FAM135B: variants seen among roughly 807,000 people sequenced by gnomAD.
FAM135B encodes the protein protein FAM135B.
In FAM135B, 43 loss-of-function variants were observed where a neutral mutation model predicts 127.7. The ratio of observed to expected loss-of-function variants is 0.34; its 90% CI spans 0.26 to 0.43. The LOEUF (loss-of-function observed/expected upper bound fraction) is 0.43, where lower values mean the gene tolerates loss of function less well. Among genes scored for constraint, FAM135B ranks in the 20% least tolerant of loss-of-function variants. FAM135B has a pLI of 1.00. For missense variants in FAM135B, 1,558 were observed against 1,725.6 expected (o/e 0.90, Z 1.72); for synonymous variants, 670 against 665.1 (o/e 1.01, Z -0.11).
At chr8:138,399,130 A>C (rs898329182) in intron 1 of FAM135B, among the ~76,000 whole-genome samples, 5 of 152,164 alleles carry the variant, frequency 3.3e-5, no homozygotes, top group African/African-American at 1.2e-4. Flanking sequence ...TAATTAATCC[A>C]TATGCCTTTT....
In FAM135B at chr8:138,267,455, T is replaced by C. The variant is rs185515296; in HGVS notation, c.158-1613A>G. Among the ~76,000 whole-genome samples the C allele has an allele frequency of 4.8e-4, 72 of 149,470 alleles. No individual in the cohort carries two copies. In the East Asian group the frequency reaches 0.014, roughly 29 times the overall value. ...TTCATCCTCACATCTACCTCTTTAG[T>C]AAGAGAGAAAATGAAGTCTCCAGTG... On this transcript the variant is annotated intron_variant, in intron 3 of 19. Coordinates refer to ENST00000395297, the MANE Select transcript of FAM135B (RefSeq NM_015912.4).
rs10604150 is a variant in FAM135B, at chr8:138,237,150, A to AT, written c.669+5791dup. On this transcript the variant is annotated intron_variant, in intron 7 of 19. Transcript: ENST00000395297. ...CTCACTCTGAGTAACTGGATCCTTG[A>AT]TTTTTTTTTTTTTTTTTTTTTTTTG... Among the ~76,000 whole-genome samples, 879 of 101,302 alleles carry AT rather than the reference A, an allele frequency of 8.7e-3. 8 individuals carry two copies. Among genetic ancestry groups the AT allele is most frequent in the African/African-American group, 0.022 (527 of 24,254 alleles). The allele number at this position is 101,302 out of a possible 152,430, so 66.5% of individuals were successfully genotyped here. A position where few individuals can be genotyped will look rare whatever the true frequency, so the allele number is the denominator to read the frequency against.
intron 2 of FAM135B, among the ~76,000 whole-genome samples, chr8:138,330,736 A>T (rs1828108115): frequency 6.6e-6 from 1 of 151,150 alleles, no homozygotes; most frequent in Admixed American, 6.6e-5. Context: ...TGCTCTCATT[A>T]CCTCCCCTCT....
intron 3 of FAM135B, among the ~76,000 whole-genome samples, chr8:138,308,451 T>C (rs1406241415): frequency 6.6e-6 from 1 of 152,102 alleles, no homozygotes; most frequent in African/African-American, 2.4e-5. Context: ...ATTGGAAAAT[T>C]CACCTTGAAG....
chr8:138,474,703 C>A (rs1277038297), intron 1 of FAM135B, among the ~76,000 whole-genome samples: 1 of 152,172 alleles, frequency 6.6e-6, no homozygotes, highest in Non-Finnish European at 1.5e-5. Flanking sequence ...CTCCTCTTCC[C>A]TTTTTGTACT....
At chr8:138,257,002 C>G (rs912053580) in intron 4 of FAM135B, among the ~76,000 whole-genome samples, 3 of 151,590 alleles carry the variant, frequency 2.0e-5, no homozygotes, top group Non-Finnish European at 4.4e-5. Context: ...AGTCAGTTTG[C>G]AAAAAAAATG....
chr8:138,477,095 G>A lies in FAM135B; in HGVS notation c.-20+19576C>T, dbSNP rs551122229. 1.1e-3 allele frequency among the ~76,000 whole-genome samples: 162 copies of A among 152,288 alleles called. 9 individuals are homozygous for A. The highest frequency in any genetic ancestry group is 1.4e-3 in the Admixed American group (21 of 15,298). On this transcript the variant is annotated intron_variant, in intron 1 of 19. Coordinates refer to ENST00000395297, the MANE Select transcript of FAM135B (RefSeq NM_015912.4). ...ATACATCGTCCTTCCTTGCATCTGA[G>A]CTATTTGCCATGTAGCTGCTGCAAA...
At chr8:138,383,327 T>C (rs530703133) in intron 1 of FAM135B, among the ~76,000 whole-genome samples, 13 of 152,340 alleles carry the variant, frequency 8.5e-5, no homozygotes, top group Non-Finnish European at 1.8e-4. Context: ...GTCAGTAGCT[T>C]AATGTGGTCA....
intron 2 of FAM135B, among the ~76,000 whole-genome samples, chr8:138,342,875 T>C (rs1251061825): frequency 6.6e-6 from 1 of 152,222 alleles, no homozygotes; most frequent in Non-Finnish European, 1.5e-5. Flanking sequence ...TAAACAGCTA[T>C]GCATACCCAA....
At chr8:138,165,394 A>C (rs1293621914) in intron 12 of FAM135B, among the ~76,000 whole-genome samples, 2 of 152,134 alleles carry the variant, frequency 1.3e-5, no homozygotes, top group African/African-American at 2.4e-5. Flanking sequence ...TGCAGAGATT[A>C]CAGGTGTGAG....
chr8:138,284,299 T>G (rs889716582), intron 3 of FAM135B, among the ~76,000 whole-genome samples: 1 of 152,078 alleles, frequency 6.6e-6, no homozygotes. Flanking sequence ...GTCCGTGCTC[T>G]CCTTGCCTCA....
At chr8:138,327,685 GGAAT>G (rs1449645165) in intron 2 of FAM135B, among the ~76,000 whole-genome samples, 2 of 152,184 alleles carry the variant, frequency 1.3e-5, no homozygotes, top group African/African-American at 2.4e-5. Flanking sequence ...AACACAAGAA[GGAAT>G]GATGGACTAG....
At chr8:138,149,264 G>C (rs566672923) in intron 13 of FAM135B, among the ~76,000 whole-genome samples, 3 of 152,216 alleles carry the variant, frequency 2.0e-5, no homozygotes, top group African/African-American at 7.2e-5. Context: ...AGGAGACAGA[G>C]TGACAGGACA....
At chr8:138,496,471 C>T (rs902980758) in intron 1 of FAM135B, among the ~76,000 whole-genome samples, 200 bp downstream of exon 1, 8 of 152,216 alleles carry the variant, frequency 5.3e-5, no homozygotes, top group Admixed American at 1.3e-4. Flanking sequence ...CCCTTCTTAT[C>T]CCCTCAAGAC....
chr8:138,416,181 C>A (rs954114054), intron 1 of FAM135B, among the ~76,000 whole-genome samples: 1 of 152,148 alleles, frequency 6.6e-6, no homozygotes, highest in South Asian at 2.1e-4. Flanking sequence ...ATTCTCTGTA[C>A]TTTTGGAGTA....
chr8:138,262,627 G>A (rs370022903), intron 4 of FAM135B, among the ~76,000 whole-genome samples: 195 of 152,198 alleles, frequency 1.3e-3, no homozygotes, highest in East Asian at 0.011. Context: ...ACGGCTGGGC[G>A]CGGTGGCTCA....
intron 2 of FAM135B, among the ~76,000 whole-genome samples, chr8:138,363,383 TG>T (rs1830552573): frequency 6.6e-6 from 1 of 152,170 alleles, no homozygotes; most frequent in Admixed American, 6.5e-5. Flanking sequence ...AATGTTGGGT[TG>T]GGGGAAGTTT....
At chr8:138,342,408 A>G (rs1338980097) in intron 2 of FAM135B, among the ~76,000 whole-genome samples, 1 of 152,192 alleles carries the variant, frequency 6.6e-6, no homozygotes, top group East Asian at 1.9e-4. Flanking sequence ...CAAAATCAGC[A>G]AAGGCAGCTG....
rs371537564 is a variant in FAM135B at position 138,141,223 on chromosome 8, G to A, written c.3765C>T (p.Tyr1255=). The A allele has an allele frequency of 4.7e-5, 76 of 1,614,134 alleles. No homozygotes were observed. The highest frequency in any genetic ancestry group is 5.4e-5 in the Non-Finnish European group (64 of 1,180,020). Residue 1255 remains tyrosine, a synonymous_variant, in exon 17 of 20, where the codon TAC becomes TAT. Transcript: ENST00000395297. This position sits in a 1 kb window ranked among gnomAD's most constrained non-coding sequence, Gnocchi z 4.7. ...SLSGPHLGTL[Y]NNSTLVSTGL... Reference sequence around the variant, plus strand: ...CTGTACTAACCAGGGTGCTGTTGTTGTACAGGGTTCCCAGGTGAGGCCCAG... The same window carrying A: ...CTGTACTAACCAGGGTGCTGTTGTTATACAGGGTTCCCAGGTGAGGCCCAG...
Sources: allele counts gnomAD v4.1 joint callset (sites outside exome capture counted in the v4.1 genomes callset), GRCh38; gene constraint gnomAD v4.1.1; non-coding constraint Gnocchi (gnomAD v3.1); transcripts MANE v1.5; gene names NCBI Gene and HGNC (gene_info 2026-07-23, HGNC 2026-07-21).